The following AGBL1 variants were observed in gnomAD, a reference collection of about 807,000 sequenced individuals.
AGBL1 encodes AGBL carboxypeptidase 1.
AGBL1 carries 130 observed loss-of-function variants against 118.9 expected under a neutral mutation model. The observed-to-expected ratio is 1.09, with a 90% CI of 0.95 to 1.26. The LOEUF (loss-of-function observed/expected upper bound fraction) is 1.26. AGBL1 is among the 50% of genes most tolerant of loss of function. The probability of loss-of-function intolerance (pLI) is 0.00; values close to 1 mark genes in which losing one functional copy is unlikely to be tolerated. For missense variants in AGBL1, 1,584 were observed against 1,298.1 expected (o/e 1.22, Z -3.38); for synonymous variants, 555 against 478.9 (o/e 1.16, Z -2.08).
At chr15:86,831,902 C>A (rs997726469) in intron 22 of AGBL1, among the ~76,000 whole-genome samples, 4 of 152,200 alleles carry the variant, frequency 2.6e-5, no homozygotes, top group East Asian at 1.9e-4. Flanking sequence ...CCCTGTAGCA[C>A]CCCTCTGCCT....
At chr15:86,824,847 C>T (rs1458541375) in intron 22 of AGBL1, among the ~76,000 whole-genome samples, 1 of 152,042 alleles carries the variant, frequency 6.6e-6, no homozygotes, top group East Asian at 1.9e-4. Context: ...CACTTGAGGT[C>T]AGGAGTTCAA....
intron 21 of AGBL1, among the ~76,000 whole-genome samples, chr15:86,618,531 G>T (rs1006142223): frequency 6.6e-6 from 1 of 152,184 alleles, no homozygotes; most frequent in Non-Finnish European, 1.5e-5. Flanking sequence ...AATCCTTAGG[G>T]ATGAGGCCTA....
chr15:86,583,527 C>T (rs1294674185), intron 21 of AGBL1, among the ~76,000 whole-genome samples: 1 of 152,080 alleles, frequency 6.6e-6, no homozygotes, highest in Non-Finnish European at 1.5e-5. Flanking sequence ...TCTTTTATGG[C>T]TGTGTGGTAT....
intron 17 of AGBL1, among the ~76,000 whole-genome samples, chr15:86,318,781 C>A (rs1245398843): frequency 8.4e-6 from 1 of 118,938 alleles, no homozygotes; most frequent in East Asian, 2.6e-4. Context: ...ATGGGTTTAT[C>A]TTTAGAATGC....
At chr15:86,964,193 G>A (rs979602285) in intron 23 of AGBL1, among the ~76,000 whole-genome samples, 5 of 152,116 alleles carry the variant, frequency 3.3e-5, no homozygotes, top group South Asian at 2.1e-4. Flanking sequence ...CTGCCTGACT[G>A]TAAAACTAGG....
Position 86,576,503 on chromosome 15 carries a change from G to C in AGBL1, c.2994+21966G>C, listed in dbSNP as rs1286597167. ...ATGGTTTGAACAGTTGGCTGCCTTT[G>C]ATTGGCCGAAACCAGCCAAAGTGAC... On this transcript the variant is annotated intron_variant, in intron 21 of 22. Coordinates refer to ENST00000614907, the MANE Select transcript of AGBL1 (RefSeq NM_001386094.1). Among the ~76,000 whole-genome samples the C allele has an allele frequency of 2.6e-5, 4 of 152,306 alleles. No individual in the cohort carries two copies. In the East Asian group the frequency reaches 7.7e-4, roughly 29 times the overall value.
chr15:86,732,803 C>T (rs952888180), intron 22 of AGBL1, among the ~76,000 whole-genome samples: 1 of 151,754 alleles, frequency 6.6e-6, no homozygotes, highest in African/African-American at 2.4e-5. Flanking sequence ...GCATCTGTCT[C>T]ATATCCTCAT....
intron 17 of AGBL1, among the ~76,000 whole-genome samples, chr15:86,383,032 A>C (rs538708399): frequency 6.6e-6 from 1 of 152,062 alleles, no homozygotes; most frequent in Non-Finnish European, 1.5e-5. Flanking sequence ...AGCTGGTGAC[A>C]TCTGTTTTTC....
intron 1 of AGBL1, among the ~76,000 whole-genome samples, chr15:86,102,284 G>A (rs187529384): frequency 1.7e-4 from 26 of 152,118 alleles, no homozygotes; most frequent in Admixed American, 3.3e-4. Context: ...CAAGTGACCC[G>A]CTCACCTCGG....
At chr15:86,810,517 G>A (rs916452739) in intron 22 of AGBL1, among the ~76,000 whole-genome samples, 1 of 152,050 alleles carries the variant, frequency 6.6e-6, no homozygotes, top group African/African-American at 2.4e-5. Flanking sequence ...AATATTTAAA[G>A]TATGACAGGA....
At chr15:86,873,185 A>G (rs574596672) in intron 22 of AGBL1, among the ~76,000 whole-genome samples, 2 of 152,180 alleles carry the variant, frequency 1.3e-5, no homozygotes, top group South Asian at 4.1e-4. Flanking sequence ...ATGACAGACA[A>G]AAGTCTTATC....
At position 86,234,523 on chromosome 15, in the gene AGBL1, C is replaced by T. The variant is rs147218537; in HGVS notation, c.526+9572C>T. 2.2e-3 allele frequency among the ~76,000 whole-genome samples: 318 copies of T among 146,652 alleles called. 2 individuals are homozygous for T. Among genetic ancestry groups the T allele is most frequent in the African/African-American group, 7.8e-3 (308 of 39,310 alleles). ...CGAAGATCACACCACTGCACTCCAGCCTGGGCGACAGAGTGAGACTCTATC... is the reference window on the plus strand; with the variant it reads ...CGAAGATCACACCACTGCACTCCAGTCTGGGCGACAGAGTGAGACTCTATC... On this transcript the variant is annotated intron_variant, in intron 6 of 22. Coordinates refer to ENST00000614907, the MANE Select transcript of AGBL1 (RefSeq NM_001386094.1).
rs996539421 is a variant in AGBL1 at position 86,552,840 on chromosome 15, T to C, written c.2818-1521T>C. Among the ~76,000 whole-genome samples the C allele has an allele frequency of 2.6e-5, 4 of 152,188 alleles. No individual in the cohort carries two copies. The East Asian group carries it at 7.7e-4, about 29-fold the overall frequency. On this transcript the variant is annotated intron_variant, in intron 20 of 22. Transcript: ENST00000614907. ...TCAAGTGAAGATAACATTAGCATTC[T>C]ATTTCCCTTTTTTAGATGATTGTAA...
chr15:86,577,594 A>T (rs905525284), intron 21 of AGBL1, among the ~76,000 whole-genome samples: 1 of 152,194 alleles, frequency 6.6e-6, no homozygotes, highest in African/African-American at 2.4e-5. Context: ...AGAGGTTGTC[A>T]TGGTAGCCTC....
chr15:86,235,729 TTTAA>T (rs2078530410), intron 6 of AGBL1, among the ~76,000 whole-genome samples: 1 of 152,238 alleles, frequency 6.6e-6, no homozygotes, highest in Non-Finnish European at 1.5e-5. Context: ...CGGGTAAATA[TTTAA>T]TTATTCTATA....
intron 22 of AGBL1, among the ~76,000 whole-genome samples, chr15:86,850,867 A>G (rs1488653930): frequency 6.6e-6 from 1 of 152,218 alleles, no homozygotes; most frequent in Non-Finnish European, 1.5e-5. Flanking sequence ...TCTGGTCAAC[A>G]TTGATAGTAA....
intron 22 of AGBL1, among the ~76,000 whole-genome samples, chr15:86,735,167 C>T (rs981763468): frequency 8.6e-5 from 13 of 151,964 alleles, no homozygotes; most frequent in African/African-American, 2.2e-4. Context: ...CTACAACCTC[C>T]GCCTCCTGGG....
chr15:86,720,556 T>C (rs2086702435), intron 22 of AGBL1, among the ~76,000 whole-genome samples: 1 of 152,176 alleles, frequency 6.6e-6, no homozygotes, highest in East Asian at 1.9e-4. Context: ...AGATGGGAAA[T>C]GTGATCAGTT....
At chr15:86,930,373 G>T (rs1335957752) in intron 23 of AGBL1, among the ~76,000 whole-genome samples, 3 of 152,138 alleles carry the variant, frequency 2.0e-5, no homozygotes, top group African/African-American at 7.2e-5. Flanking sequence ...TAAGGGGTCA[G>T]CGTGAGGCAG....
Sources: gnomAD v4.1 joint callset for allele counts (sites outside exome capture counted in the v4.1 genomes callset) on GRCh38, gnomAD v4.1.1 for gene constraint, MANE v1.5 for transcripts, NCBI Gene and HGNC (gene_info 2026-07-23, HGNC 2026-07-21) for gene names.